Variants in GARRE1 observed in about 807,000 individuals in gnomAD.
The protein encoded by GARRE1 is granule associated Rac and RHOG effector protein 1.
A neutral mutation model predicts 103.2 loss-of-function variants in GARRE1; 49 were observed. The observed-to-expected ratio is 0.47, with a 90% CI of 0.38 to 0.60. GARRE1 has a LOEUF of 0.60. Among genes scored for constraint, GARRE1 ranks in the 20% least tolerant of loss-of-function variants. The pLI, the probability that GARRE1 is intolerant of heterozygous loss-of-function variation, is 0.00. For missense variants in GARRE1, 1,199 were observed against 1,370.5 expected (o/e 0.87, Z 1.98); for synonymous variants, 505 against 532.8 (o/e 0.95, Z 0.72).
chr19:34,320,010 TC>T lies in GARRE1; in HGVS notation c.600del (p.Ile201SerfsTer23). On this transcript the variant is annotated frameshift_variant, in exon 3 of 14. Coordinates refer to ENST00000299505, the MANE Select transcript of GARRE1 (RefSeq NM_014686.5). LOFTEE classifies it high-confidence loss of function. Reference protein sequence around the residue: ...QPVAHSCFAEVIVPEKKNSGS... With the variant: ...QPVAHSCFAEXIVPEKKNSGS... Reference sequence around the variant, plus strand: ...GTGGCTCACTCTTGCTTTGCTGAGGTCATCGTGCCAGAAAAAAAGAACAGCG... The same window carrying T: ...GTGGCTCACTCTTGCTTTGCTGAGGTATCGTGCCAGAAAAAAAGAACAGCG... 1 of 1,614,196 alleles carries T rather than the reference TC, an allele frequency of 6.2e-7. No homozygotes were observed. The highest frequency in any genetic ancestry group is 8.5e-7 in the Non-Finnish European group (1 of 1,180,022).
chr19:34,328,020 A>T lies in GARRE1; in HGVS notation c.973A>T (p.Thr325Ser). ...CTGCAGCGAGGCGGAAGCCCAGCAGACGGGGCGGAGGCAGACACCCCCGCA... is the reference window on the plus strand; with the variant it reads ...CTGCAGCGAGGCGGAAGCCCAGCAGTCGGGGCGGAGGCAGACACCCCCGCA... Reference protein sequence around the residue: ...GCCSEAEAQQTGRRQTPPQPM... With the variant: ...GCCSEAEAQQSGRRQTPPQPM... The change falls in exon 6 of 14, where the codon ACG (threonine) becomes TCG (serine). Residue 325 changes from threonine to serine, a missense_variant. Physicochemically the swap from Thr to Ser is moderately conservative, Grantham distance 58. Coordinates refer to ENST00000299505, the MANE Select transcript of GARRE1 (RefSeq NM_014686.5). 1 of 1,614,152 alleles carries T rather than the reference A, an allele frequency of 6.2e-7. No individual in the cohort carries two copies. The highest frequency in any genetic ancestry group is 8.5e-7 in the Non-Finnish European group (1 of 1,180,036).
intron 1 of GARRE1, among the ~76,000 whole-genome samples, chr19:34,256,794 A>G (rs1029438767): frequency 2.6e-5 from 4 of 152,200 alleles, no homozygotes; most frequent in African/African-American, 9.6e-5. Flanking sequence ...TAAAAATCAC[A>G]GTATTTTCTT....
chr19:34,345,419 C>A (rs1568312570), intron 10 of GARRE1, among the ~76,000 whole-genome samples: 1 of 152,270 alleles, frequency 6.6e-6, no homozygotes, highest in East Asian at 1.9e-4. Flanking sequence ...GGCTGCCACC[C>A]ACTGGTGTGG....
chr19:34,324,190 A>C (rs1437478793), intron 3 of GARRE1, among the ~76,000 whole-genome samples: 1 of 152,154 alleles, frequency 6.6e-6, no homozygotes, highest in African/African-American at 2.4e-5. Flanking sequence ...CTTCCCACAG[A>C]AAAGTCCACT....
At chr19:34,340,441 T>TTCTTTTCTTTTCTTC (rs1476791123) in intron 9 of GARRE1, among the ~76,000 whole-genome samples, 2 of 95,560 alleles carry the variant, frequency 2.1e-5, no homozygotes, top group Non-Finnish European at 3.7e-5. Context: ...CTCTCCCTTT[T>TTCTTTTCTTTTCTTC]TCTTTTCTTT....
intron 8 of GARRE1, among the ~76,000 whole-genome samples, chr19:34,339,426 G>A (rs1049485028): frequency 2.0e-5 from 3 of 152,298 alleles, no homozygotes; most frequent in Non-Finnish European, 4.4e-5. Context: ...TTTGGGATGG[G>A]GCTCCAAGCC....
rs1021385938 is a variant in GARRE1 at position 34,296,518 on chromosome 19, C to G, written c.-795-3161C>G. ...TTGGGCTTAACCTCCTTGGGCTTTA[C>G]GAGGGCCTTGATAGCCTCGGCACGT... On this transcript the variant is annotated intron_variant, in intron 1 of 13. Coordinates refer to ENST00000299505, the MANE Select transcript of GARRE1 (RefSeq NM_014686.5). The G allele has an allele frequency of 1.9e-6, 3 of 1,595,370 alleles. No homozygotes were observed. In the East Asian group the frequency reaches 6.7e-5, roughly 36 times the overall value.
Position 34,302,222 on chromosome 19 carries a change from C to T in GARRE1, c.495+1254C>T, listed in dbSNP as rs2073983372. The stretch of plus-strand genomic sequence containing the variant: ...TCAGACTAGGGTCTCAAACTCGCAA[C>T]TTCAGGTGATCCGCCCGCCTCAGCC... On this transcript the variant is annotated intron_variant, in intron 2 of 13. Coordinates refer to ENST00000299505, the MANE Select transcript of GARRE1 (RefSeq NM_014686.5). Among the ~76,000 whole-genome samples, 4 of 144,776 alleles carry T rather than the reference C, an allele frequency of 2.8e-5. No individual in the cohort carries two copies. The South Asian group carries it at 8.8e-4, about 32-fold the overall frequency. The allele number at this position is 144,776 out of a possible 152,430, so 95.0% of individuals were successfully genotyped here. A position where few individuals can be genotyped will look rare whatever the true frequency, so the allele number is the denominator to read the frequency against.
At chr19:34,332,769 T>C (rs931970502) in intron 7 of GARRE1, among the ~76,000 whole-genome samples, 9 of 152,248 alleles carry the variant, frequency 5.9e-5, no homozygotes, top group Non-Finnish European at 1.3e-4. Flanking sequence ...TTTTAAAATA[T>C]TTTATGATTT....
At chr19:34,262,315 T>TTTTTTTTTTTTTTG (rs1180314605) in intron 1 of GARRE1, among the ~76,000 whole-genome samples, 2 of 143,836 alleles carry the variant, frequency 1.4e-5, no homozygotes, top group Non-Finnish European at 1.5e-5. Flanking sequence ...TTTTTTTTTT[T>TTTTTTTTTTTTTTG]GAGGCGGAGT....
chr19:34,263,057 A>T (rs766957871), intron 1 of GARRE1, among the ~76,000 whole-genome samples: 1 of 152,024 alleles, frequency 6.6e-6, no homozygotes, highest in Non-Finnish European at 1.5e-5. Context: ...TACTAAAAAT[A>T]CAAAAATTAA....
At chr19:34,287,626 A>G (rs2073894845) in intron 1 of GARRE1, among the ~76,000 whole-genome samples, 1 of 152,206 alleles carries the variant, frequency 6.6e-6, no homozygotes, top group Admixed American at 6.5e-5. Flanking sequence ...TTGACAAAGT[A>G]CTATAGACTG....
At chr19:34,346,986 C>T (rs2074214350) in intron 10 of GARRE1, among the ~76,000 whole-genome samples, 1 of 152,064 alleles carries the variant, frequency 6.6e-6, no homozygotes, top group Non-Finnish European at 1.5e-5. Context: ...TGCAGTGGCG[C>T]AATCTTGGCT....
chr19:34,333,885 T>G, intron 8 of GARRE1, 84 bp downstream of exon 8: 1 of 866,466 alleles, frequency 1.2e-6, no homozygotes, highest in Non-Finnish European at 2.0e-6. Flanking sequence ...TTTTGAACAA[T>G]GCCCATGCTA....
In GARRE1 at chr19:34,307,793, A is replaced by T. The variant is rs199869902; in HGVS notation, c.495+6825A>T. Among the ~76,000 whole-genome samples, 571 of 71,792 alleles carry T rather than the reference A, an allele frequency of 8.0e-3. 14 individuals carry two copies. The East Asian group carries it at 0.11, about 14-fold the overall frequency. The allele number at this position is 71,792 out of a possible 152,430, so 47.1% of individuals were successfully genotyped here. On this transcript the variant is annotated intron_variant, in intron 2 of 13. Coordinates refer to ENST00000299505, the MANE Select transcript of GARRE1 (RefSeq NM_014686.5). ...ATATACTATAAAATATATATACTAT[A>T]AAAAAAAAATATATATATATATTTT...
At position 34,328,087 on chromosome 19, in the gene GARRE1, G is replaced by T. The variant is rs1231134745; in HGVS notation, c.1040G>T (p.Gly347Val). The T allele has an allele frequency of 6.2e-7, 1 of 1,614,068 alleles. No homozygotes were observed. The change falls in exon 6 of 14, where the codon GGA (glycine) becomes GTA (valine). Residue 347 changes from glycine to valine, a missense_variant. Transcript: ENST00000299505. ...CELPTVPVQI[G>V]SHFLKGVSFN... Reference sequence around the variant, plus strand: ...CTCCCCACCGTCCCTGTGCAGATAGGATCGCACTTCCTGAAGGGCGTCTCC... The same window carrying T: ...CTCCCCACCGTCCCTGTGCAGATAGTATCGCACTTCCTGAAGGGCGTCTCC...
At chr19:34,339,804 C>T (rs2074177605) in intron 8 of GARRE1, 63 bp from the exon 9 acceptor site, 1 of 1,603,480 alleles carries the variant, frequency 6.2e-7, no homozygotes, top group Non-Finnish European at 8.5e-7. Flanking sequence ...TTCTATGAGA[C>T]CTGCTTGAGA....
chr19:34,327,633 T>A, intron 4 of GARRE1, 72 bp downstream of exon 4: 1 of 1,557,068 alleles, frequency 6.4e-7, no homozygotes, highest in Non-Finnish European at 8.8e-7. Flanking sequence ...GTTGTGATGT[T>A]GAATCAATTA....
chr19:34,329,075 A>T lies in GARRE1; in HGVS notation c.1104+924A>T, dbSNP rs577955990. 5.3e-5 allele frequency among the ~76,000 whole-genome samples: 8 copies of T among 152,336 alleles called. No homozygotes were observed. The East Asian group carries it at 1.5e-3, about 29-fold the overall frequency. On this transcript the variant is annotated intron_variant, in intron 6 of 13. Coordinates refer to ENST00000299505, the MANE Select transcript of GARRE1 (RefSeq NM_014686.5). ...TGATAACGATTATTTGTGGAACATC[A>T]TGTGTTCCAGTCATTGTGCCAGGTG... is the stretch of plus-strand genomic sequence containing the variant.
Sources: allele counts gnomAD v4.1 joint callset (sites outside exome capture counted in the v4.1 genomes callset), GRCh38; gene constraint gnomAD v4.1.1; transcripts MANE v1.5; gene names NCBI Gene and HGNC (gene_info 2026-07-23, HGNC 2026-07-21).